ANTXR2: variants seen among roughly 807,000 people sequenced by gnomAD.
The protein encoded by ANTXR2 is ANTXR cell adhesion molecule 2.
ANTXR2 carries 44 observed loss-of-function variants against 73.7 expected under a neutral mutation model. The observed-to-expected ratio is 0.60, with a 90% CI of 0.47 to 0.77. ANTXR2 has a LOEUF of 0.77. ANTXR2 is among the 30% of genes least tolerant of loss of function. ANTXR2 has a pLI of 0.00. For synonymous variants in ANTXR2, 217 were observed against 205.9 expected, an observed-to-expected ratio of 1.05 and a Z score of -0.46; for missense variants, 604 against 592.5, an observed-to-expected ratio of 1.02 and a Z score of -0.20.
intron 12 of ANTXR2, among the ~76,000 whole-genome samples, chr4:79,995,762 T>C (rs1162751419): frequency 6.6e-6 from 1 of 152,018 alleles, no homozygotes; most frequent in African/African-American, 2.4e-5. Context: ...CATGACTTAT[T>C]ATACATTTAA....
chr4:80,036,105 A>G, intron 7 of ANTXR2, 73 bp from the exon 8 acceptor site: 1 of 1,259,934 alleles, frequency 7.9e-7, no homozygotes, highest in Non-Finnish European at 1.1e-6. Context: ...TTATAAGATT[A>G]GTAATAACCT....
At chr4:79,966,739 T>C (rs1262733716) in intron 16 of ANTXR2, among the ~76,000 whole-genome samples, 1 of 152,186 alleles carries the variant, frequency 6.6e-6, no homozygotes, top group Non-Finnish European at 1.5e-5. Flanking sequence ...AAATATTACT[T>C]TTTGGATAAT....
At chr4:79,910,137 G>T (rs1385350009) in intron 16 of ANTXR2, among the ~76,000 whole-genome samples, 1 of 152,134 alleles carries the variant, frequency 6.6e-6, no homozygotes, top group African/African-American at 2.4e-5. Flanking sequence ...CTATTCTTAA[G>T]GCTGTTGTAA....
In ANTXR2 at chr4:79,905,953, C is replaced by T. The variant is rs572394273; in HGVS notation, c.*1476G>A. 4 of 152,676 alleles carry T rather than the reference C, an allele frequency of 2.6e-5. No individual in the cohort carries two copies. The highest frequency in any genetic ancestry group is 6.5e-5 in the Admixed American group (1 of 15,290). 9.5% of individuals were successfully genotyped at this position (152,676 alleles called of 1,614,324 possible). On this transcript the variant is annotated 3_prime_UTR_variant, in exon 17 of 17. Coordinates refer to ENST00000403729, the MANE Select transcript of ANTXR2 (RefSeq NM_058172.6). The stretch of plus-strand genomic sequence containing the variant: ...CCTTTGTGCTCACAGAGAGACATCC[C>T]ACTGACCCAGCCACTGGTCATTGTC...
intron 12 of ANTXR2, among the ~76,000 whole-genome samples, chr4:79,999,394 C>A (rs901392076): frequency 2.0e-5 from 3 of 151,908 alleles, no homozygotes; most frequent in African/African-American, 7.3e-5. Flanking sequence ...TCCTCTTCAC[C>A]TTCTGCCATG....
At chr4:80,053,017 T>G (rs1484872811) in intron 7 of ANTXR2, among the ~76,000 whole-genome samples, 1 of 151,522 alleles carries the variant, frequency 6.6e-6, no homozygotes, top group African/African-American at 2.4e-5. Flanking sequence ...AGGTCCTTTC[T>G]CCTTCCCAGT....
At chr4:79,997,814 A>T (rs1400615913) in intron 12 of ANTXR2, among the ~76,000 whole-genome samples, 2 of 152,006 alleles carry the variant, frequency 1.3e-5, no homozygotes, top group Non-Finnish European at 2.9e-5. Context: ...CTGTCAAAGC[A>T]AATAAACTGA....
intron 16 of ANTXR2, among the ~76,000 whole-genome samples, chr4:79,949,137 G>A (rs918609932): frequency 2.5e-4 from 38 of 152,052 alleles, no homozygotes; most frequent in Non-Finnish European, 4.9e-4. Flanking sequence ...ATCAATTTAG[G>A]TATAAAATGT....
rs1366104436 is a variant in ANTXR2 at position 79,903,389 on chromosome 4, TTTACC to T, written c.*4035_*4039del. ...CTCTCTCTCACACACACACACACAA[TTTACC>T]TTAATATAGTTATTGTAGAGCAATC... On this transcript the variant is annotated 3_prime_UTR_variant, in exon 17 of 17. Coordinates refer to ENST00000403729, the MANE Select transcript of ANTXR2 (RefSeq NM_058172.6). 2 of 151,796 alleles carry T rather than the reference TTTACC, an allele frequency of 1.3e-5. No individual in the cohort carries two copies. Among genetic ancestry groups the T allele is most frequent in the African/African-American group, 4.8e-5 (2 of 41,354 alleles). The allele number at this position is 151,796 out of a possible 1,614,324, so 9.4% of individuals were successfully genotyped here.
chr4:79,931,358 C>T (rs552661326), intron 16 of ANTXR2, among the ~76,000 whole-genome samples: 127 of 152,138 alleles, frequency 8.3e-4, no homozygotes, highest in Non-Finnish European at 1.7e-3. Flanking sequence ...GGGACACCAG[C>T]TGCAAATATT....
chr4:79,932,562 C>T (rs941880338), intron 16 of ANTXR2, among the ~76,000 whole-genome samples: 2 of 151,572 alleles, frequency 1.3e-5, no homozygotes, highest in Non-Finnish European at 2.9e-5. Flanking sequence ...GGAGGCGAGG[C>T]GGGTGGATTG....
At chr4:79,957,242 CTGT>C in intron 16 of ANTXR2, among the ~76,000 whole-genome samples, 1 of 152,168 alleles carries the variant, frequency 6.6e-6, no homozygotes, top group East Asian at 1.9e-4. Context: ...CAATTCAAAG[CTGT>C]TATTATCCAC....
At chr4:79,976,163 C>A (rs574701559) in intron 16 of ANTXR2, among the ~76,000 whole-genome samples, 10 of 152,022 alleles carry the variant, frequency 6.6e-5, no homozygotes, top group South Asian at 2.1e-4. Flanking sequence ...CCGCCCGCCT[C>A]GGCTTCCCAA....
chr4:79,937,873 C>G (rs1423948184), intron 16 of ANTXR2, among the ~76,000 whole-genome samples: 2 of 142,818 alleles, frequency 1.4e-5, no homozygotes, highest in African/African-American at 5.2e-5. Context: ...GTGTGCGCAC[C>G]GTGCACGAGC....
chr4:79,962,854 T>C (rs1025644199), intron 16 of ANTXR2, among the ~76,000 whole-genome samples: 1 of 152,330 alleles, frequency 6.6e-6, no homozygotes, highest in Non-Finnish European at 1.5e-5. Context: ...GGTAATAATA[T>C]TGAGTAGCCC....
At chr4:79,960,734 T>C (rs958884819) in intron 16 of ANTXR2, among the ~76,000 whole-genome samples, 2 of 151,912 alleles carry the variant, frequency 1.3e-5, no homozygotes, top group Non-Finnish European at 2.9e-5. Context: ...TCTTAAATGT[T>C]AGAGGTTGGA....
At chr4:79,918,739 C>A (rs763500343) in intron 16 of ANTXR2, among the ~76,000 whole-genome samples, 1 of 151,820 alleles carries the variant, frequency 6.6e-6, no homozygotes, top group Non-Finnish European at 1.5e-5. Flanking sequence ...CTCAGGTTTG[C>A]AGGAAGAAAT....
intron 16 of ANTXR2, among the ~76,000 whole-genome samples, chr4:79,965,690 A>T (rs532138277): frequency 3.3e-5 from 5 of 152,344 alleles, no homozygotes; most frequent in Admixed American, 1.3e-4. Flanking sequence ...CATGTTGATA[A>T]GAAAGTTTAT....
intron 2 of ANTXR2, 101 bp downstream of exon 2, chr4:80,071,482 C>T: frequency 1.0e-6 from 1 of 972,432 alleles, no homozygotes; most frequent in South Asian, 1.4e-5. Context: ...TTAAAAGTAA[C>T]ATTTCAGGAA....
Sources: gnomAD v4.1 joint callset for allele counts (sites outside exome capture counted in the v4.1 genomes callset) on GRCh38, gnomAD v4.1.1 for gene constraint, MANE v1.5 for transcripts, NCBI Gene and HGNC (gene_info 2026-07-23, HGNC 2026-07-21) for gene names.